Variants in ATP8B4 observed in about 807,000 individuals in gnomAD.
ATP8B4 encodes ATPase phospholipid transporting 8B4 (putative).
Under a neutral mutation model 145.6 loss-of-function variants are expected in ATP8B4, and 133 were observed. The observed-to-expected ratio is 0.91, with a 90% confidence interval of 0.79 to 1.05. ATP8B4 has a LOEUF of 1.05. Among genes scored for constraint, ATP8B4 ranks in the 50% least tolerant of loss-of-function variants. The probability of loss-of-function intolerance (pLI) is 0.00; values close to 1 mark genes in which losing one functional copy is unlikely to be tolerated. For synonymous variants in ATP8B4, 507 were observed against 492.9 expected, an observed-to-expected ratio of 1.03 and a Z score of -0.38; for missense variants, 1,458 against 1,425.2, an observed-to-expected ratio of 1.02 and a Z score of -0.37.
chr15:50,094,676 A>G (rs2055844325), intron 2 of ATP8B4, among the ~76,000 whole-genome samples: 1 of 141,004 alleles, frequency 7.1e-6, no homozygotes, highest in Admixed American at 7.2e-5. Flanking sequence ...ATATCCATAT[A>G]TATTTGTATA....
rs35575312 is a variant in ATP8B4 at position 49,948,281 on chromosome 15, C to CAAAAAA, written c.1287+13690_1287+13695dup. Among the ~76,000 whole-genome samples the CAAAAAA allele has an allele frequency of 1.5e-3, 170 of 112,276 alleles. 2 individuals carry two copies. Among genetic ancestry groups the CAAAAAA allele is most frequent in the African/African-American group, 5.2e-3 (158 of 30,106 alleles). The allele number at this position is 112,276 out of a possible 152,430, so 73.7% of individuals were successfully genotyped here. A position where few individuals can be genotyped will look rare whatever the true frequency, so the allele number is the denominator to read the frequency against. On this transcript the variant is annotated intron_variant, in intron 14 of 27. Coordinates refer to ENST00000284509, the MANE Select transcript of ATP8B4 (RefSeq NM_024837.4). ...TGAAACCCTGTCTCTACTAAAAATA[C>CAAAAAA]AAAAAAAAAAAAAAAAAATCAGCCA... is the stretch of plus-strand genomic sequence containing the variant.
intron 8 of ATP8B4, among the ~76,000 whole-genome samples, chr15:50,001,750 T>C (rs1333124308): frequency 1.3e-5 from 2 of 152,202 alleles, no homozygotes; most frequent in Non-Finnish European, 2.9e-5. Flanking sequence ...TCTTTTTCTA[T>C]GTCTTCATTT....
At chr15:49,870,664 A>T (rs1024826400) in intron 25 of ATP8B4, among the ~76,000 whole-genome samples, 13 of 152,208 alleles carry the variant, frequency 8.5e-5, no homozygotes, top group African/African-American at 3.1e-4. Flanking sequence ...TTATTATTCT[A>T]TATATTAAAG....
chr15:50,144,003 CT>C (rs1567405313), intron 1 of ATP8B4, among the ~76,000 whole-genome samples: 2 of 152,156 alleles, frequency 1.3e-5, no homozygotes, highest in African/African-American at 4.8e-5. Flanking sequence ...AATGGAAGGG[CT>C]TTTTGAGACC....
At chr15:49,972,484 C>T in intron 13 of ATP8B4, 98 bp downstream of exon 13, 1 of 1,169,228 alleles carries the variant, frequency 8.6e-7, no homozygotes, top group Non-Finnish European at 1.2e-6. Flanking sequence ...ATAAGAAAGC[C>T]AGCGACTGTT....
intron 20 of ATP8B4, among the ~76,000 whole-genome samples, chr15:49,907,340 C>T (rs2038731522): frequency 6.6e-6 from 1 of 152,224 alleles, no homozygotes; most frequent in African/African-American, 2.4e-5. Flanking sequence ...GGCTGTGAAA[C>T]CTAGCAGTGA....
At chr15:49,994,708 G>T (rs760987168) in intron 9 of ATP8B4, among the ~76,000 whole-genome samples, 9 of 152,022 alleles carry the variant, frequency 5.9e-5, no homozygotes, top group Non-Finnish European at 1.3e-4. Flanking sequence ...CCCCAGTCCT[G>T]CAGTTCCATG....
chr15:49,898,749 T>C (rs547887006), intron 21 of ATP8B4, among the ~76,000 whole-genome samples: 1 of 152,290 alleles, frequency 6.6e-6, no homozygotes, highest in Non-Finnish European at 1.5e-5. Flanking sequence ...AAGCAGATGA[T>C]CTGGGGATTG....
intron 2 of ATP8B4, among the ~76,000 whole-genome samples, chr15:50,098,033 C>T (rs2056097963): frequency 1.3e-5 from 2 of 152,130 alleles, no homozygotes; most frequent in African/African-American, 4.8e-5. Flanking sequence ...TCACTTCTGA[C>T]TCATGTTGTT....
At chr15:50,054,635 T>C (rs78458197) in intron 3 of ATP8B4, among the ~76,000 whole-genome samples, 1,530 of 151,196 alleles carry the variant, frequency 0.01, 28 homozygotes, top group African/African-American at 0.033. Flanking sequence ...TACAAAAAAA[T>C]TGGCCGTGTG....
Position 49,934,677 on chromosome 15 carries a change from G to C in ATP8B4, c.1288-495C>G, listed in dbSNP as rs548274039. Reference sequence around the variant, plus strand: ...ACAGGTACTTTCTCAGATGTCACTGGAGTTATTGCACAATAAAATGGCAGA... The same window carrying C: ...ACAGGTACTTTCTCAGATGTCACTGCAGTTATTGCACAATAAAATGGCAGA... On this transcript the variant is annotated intron_variant, in intron 14 of 27. Transcript: ENST00000284509. 1.2e-3 allele frequency among the ~76,000 whole-genome samples: 185 copies of C among 152,108 alleles called. 1 individual carries two copies. The highest frequency in any genetic ancestry group is 4.3e-3 in the African/African-American group (179 of 41,524).
At chr15:50,137,172 A>G (rs941742016) in intron 1 of ATP8B4, among the ~76,000 whole-genome samples, 3 of 152,234 alleles carry the variant, frequency 2.0e-5, no homozygotes, top group African/African-American at 7.2e-5. Flanking sequence ...TCCCAAAAAT[A>G]CTATCTCATT....
intron 6 of ATP8B4, among the ~76,000 whole-genome samples, chr15:50,015,712 G>C (rs541609294): frequency 1.3e-5 from 2 of 152,320 alleles, no homozygotes; most frequent in East Asian, 3.9e-4. Flanking sequence ...AGCTGCGCTA[G>C]AGGAAAACAT....
chr15:49,980,538 C>T (rs189099341), intron 11 of ATP8B4, among the ~76,000 whole-genome samples: 15 of 151,690 alleles, frequency 9.9e-5, no homozygotes, highest in South Asian at 2.1e-4. Context: ...TTTTGGTAAA[C>T]GAGTAGTAGA....
chr15:50,161,059 G>A (rs1295559200), intron 1 of ATP8B4, among the ~76,000 whole-genome samples: 4 of 151,956 alleles, frequency 2.6e-5, no homozygotes, highest in Admixed American at 2.6e-4. Context: ...CTCCAGTGGT[G>A]GGTGCATATA....
intron 13 of ATP8B4, among the ~76,000 whole-genome samples, chr15:49,968,418 G>A (rs1453439755): frequency 8.6e-6 from 1 of 115,832 alleles, no homozygotes; most frequent in Admixed American, 9.1e-5. Flanking sequence ...AAAATAAAGG[G>A]ATGGAGGAAT....
At chr15:50,158,492 G>T (rs1033147503) in intron 1 of ATP8B4, among the ~76,000 whole-genome samples, 4 of 149,004 alleles carry the variant, frequency 2.7e-5, no homozygotes, top group African/African-American at 1.0e-4. Flanking sequence ...GTGGGGGGGC[G>T]CCTCCGCCCG....
chr15:50,102,025 T>C (rs1222648186), intron 2 of ATP8B4, among the ~76,000 whole-genome samples: 1 of 151,806 alleles, frequency 6.6e-6, no homozygotes, highest in African/African-American at 2.4e-5. Flanking sequence ...GATGGAAATT[T>C]AGAAATTCTT....
At chr15:49,986,874 C>A (rs2046649675) in intron 10 of ATP8B4, among the ~76,000 whole-genome samples, 1 of 151,198 alleles carries the variant, frequency 6.6e-6, no homozygotes, top group Non-Finnish European at 1.5e-5. Context: ...CCCACCCACC[C>A]CCATCATGCA....
Sources: gnomAD v4.1 joint callset for allele counts (sites outside exome capture counted in the v4.1 genomes callset) on GRCh38, gnomAD v4.1.1 for gene constraint, MANE v1.5 for transcripts, NCBI Gene and HGNC (gene_info 2026-07-23, HGNC 2026-07-21) for gene names.